The following FAM120B variants were observed in gnomAD, a reference collection of about 807,000 sequenced individuals.
FAM120B encodes constitutive coactivator of peroxisome proliferator-activated receptor gamma.
A neutral mutation model predicts 96.3 loss-of-function variants in FAM120B; 83 were observed. That is an observed-to-expected ratio of 0.86 (90% CI 0.72 to 1.03). FAM120B has a LOEUF of 1.03. FAM120B is among the 50% of genes least tolerant of loss of function. The probability of loss-of-function intolerance (pLI) is 0.00; values close to 1 mark genes in which losing one functional copy is unlikely to be tolerated. For synonymous variants in FAM120B, 407 were observed against 402.7 expected (o/e 1.01, Z -0.13); for missense variants, 1,027 against 1,121.2 (o/e 0.92, Z 1.20).
rs1778799727 is a variant in FAM120B, at chr6:170,406,284, C to T, written c.*1533C>T. On this transcript the variant is annotated 3_prime_UTR_variant, in exon 11 of 11. Coordinates refer to ENST00000476287, the MANE Select transcript of FAM120B (RefSeq NM_032448.3). The stretch of plus-strand genomic sequence containing the variant: ...GACCCCTGCTCCTGCTGGGCCATGC[C>T]ATGGCTCTGAAGATGCCCCGTGTTC... 6.6e-6 allele frequency: 1 copy of T among 152,226 alleles called. No individual in the cohort carries two copies. Among genetic ancestry groups the T allele is most frequent in the African/African-American group, 2.4e-5 (1 of 41,446 alleles). 9.4% of individuals were successfully genotyped at this position (152,226 alleles called of 1,614,324 possible). A position where few individuals can be genotyped will look rare whatever the true frequency, so the allele number is the denominator to read the frequency against.
chr6:170,385,661 C>T (rs1790144303), intron 6 of FAM120B, among the ~76,000 whole-genome samples: 1 of 152,176 alleles, frequency 6.6e-6, no homozygotes, highest in Non-Finnish European at 1.5e-5. Flanking sequence ...TTGCTGCAGC[C>T]ACACCACAAC....
chr6:170,343,228 G>A (rs935916029), intron 4 of FAM120B, among the ~76,000 whole-genome samples: 2 of 152,180 alleles, frequency 1.3e-5, no homozygotes, highest in South Asian at 2.1e-4. Flanking sequence ...GCTAGGAGGA[G>A]CTAACATTTT....
chr6:170,393,491 C>G (rs1326294044), intron 8 of FAM120B, among the ~76,000 whole-genome samples: 3 of 152,206 alleles, frequency 2.0e-5, no homozygotes, highest in African/African-American at 7.2e-5. Context: ...AGTGTCCTGT[C>G]ATATTATTCC....
intron 6 of FAM120B, among the ~76,000 whole-genome samples, chr6:170,376,209 C>A (rs1376769280): frequency 6.6e-6 from 1 of 152,036 alleles, no homozygotes; most frequent in Non-Finnish European, 1.5e-5. Context: ...GGTTAACAGA[C>A]AAGGGGAGGA....
Position 170,406,328 on chromosome 6 carries a change from T to G in FAM120B, c.*1577T>G, listed in dbSNP as rs1479773929. The G allele has an allele frequency of 6.6e-5, 10 of 152,190 alleles. No homozygotes were observed. The highest frequency in any genetic ancestry group is 1.3e-4 in the Non-Finnish European group (9 of 68,042). The allele number at this position is 152,190 out of a possible 1,614,324, so 9.4% of individuals were successfully genotyped here. ...CGTGTTCTTAGGAGGTGCTCACCCC[T>G]GGCACCTAAAGACATTTCCTTCTGG... On this transcript the variant is annotated 3_prime_UTR_variant, in exon 11 of 11. Coordinates refer to ENST00000476287, the MANE Select transcript of FAM120B (RefSeq NM_032448.3).
At chr6:170,364,569 C>T (rs1788657446) in intron 6 of FAM120B, among the ~76,000 whole-genome samples, 1 of 152,230 alleles carries the variant, frequency 6.6e-6, no homozygotes, top group African/African-American at 2.4e-5. Flanking sequence ...TTTGCTGAGA[C>T]AGGCAGAGTC....
At chr6:170,310,300 T>C (rs1784519675) in intron 1 of FAM120B, among the ~76,000 whole-genome samples, 1 of 152,198 alleles carries the variant, frequency 6.6e-6, no homozygotes, top group Admixed American at 6.5e-5. Flanking sequence ...CCAGAGAGTC[T>C]CTTTTATTCC....
intron 6 of FAM120B, among the ~76,000 whole-genome samples, chr6:170,384,718 CTG>C (rs1790097670): frequency 1.3e-5 from 2 of 152,358 alleles, no homozygotes; most frequent in African/African-American, 2.4e-5. Flanking sequence ...GGTCCACAAA[CTG>C]TAGCCAGTAG....
chr6:170,376,984 G>A lies in FAM120B; in HGVS notation c.2284-11303G>A, dbSNP rs551955968. Among the ~76,000 whole-genome samples the A allele has an allele frequency of 1.2e-3, 180 of 147,214 alleles. 2 individuals are homozygous for A. Among genetic ancestry groups the A allele is most frequent in the African/African-American group, 4.1e-3 (163 of 39,614 alleles). ...GGGCTGCTCTGTGCTGTGCACACGCGTCCCTAAACCCAGACGCCTGGGAGA... is the reference window on the plus strand; with the variant it reads ...GGGCTGCTCTGTGCTGTGCACACGCATCCCTAAACCCAGACGCCTGGGAGA... On this transcript the variant is annotated intron_variant, in intron 6 of 10. Transcript: ENST00000476287.
At chr6:170,327,559 AG>A (rs1482066823) in intron 3 of FAM120B, among the ~76,000 whole-genome samples, 7 of 152,064 alleles carry the variant, frequency 4.6e-5, no homozygotes, top group African/African-American at 1.7e-4. Flanking sequence ...TGAGTCCATG[AG>A]TGAGTGGGGA....
chr6:170,300,845 G>A (rs1020166836), intron 1 of FAM120B, among the ~76,000 whole-genome samples: 9 of 152,210 alleles, frequency 5.9e-5, no homozygotes, highest in African/African-American at 9.6e-5. Flanking sequence ...TGCGAGAGGT[G>A]GGCTCCCACA....
At chr6:170,331,398 A>G (rs1786025242) in intron 4 of FAM120B, among the ~76,000 whole-genome samples, 1 of 152,222 alleles carries the variant, frequency 6.6e-6, no homozygotes, top group Non-Finnish European at 1.5e-5. Flanking sequence ...TCTGAGCACT[A>G]TAATTGGTTT....
At chr6:170,393,251 G>A (rs903792407) in intron 8 of FAM120B, among the ~76,000 whole-genome samples, 8 of 152,104 alleles carry the variant, frequency 5.3e-5, no homozygotes, top group African/African-American at 1.9e-4. Context: ...GCGGCTGAGA[G>A]ACCTGCAGAT....
rs925248879 is a variant in FAM120B, at chr6:170,306,799, G to A, written c.-65G>A. 6.5e-6 allele frequency: 1 copy of A among 152,964 alleles called. No homozygotes were observed. The highest frequency in any genetic ancestry group is 1.5e-5 in the Non-Finnish European group (1 of 68,680). The allele number at this position is 152,964 out of a possible 1,614,324, so 9.5% of individuals were successfully genotyped here. A position where few individuals can be genotyped will look rare whatever the true frequency, so the allele number is the denominator to read the frequency against. On this transcript the variant is annotated 5_prime_UTR_variant, in exon 1 of 11. Coordinates refer to ENST00000476287, the MANE Select transcript of FAM120B (RefSeq NM_032448.3). ...GCGGTGGCTGAGGCGGCTGGGCCTA[G>A]GGTGCAGCGGGCGCGTCTGCGGCTG...
rs1382398016 is a variant in FAM120B at position 170,372,327 on chromosome 6, A to T, written c.2283+14009A>T. 2.6e-5 allele frequency among the ~76,000 whole-genome samples: 4 copies of T among 151,144 alleles called. No individual in the cohort carries two copies. In the East Asian group the frequency reaches 7.8e-4, roughly 30 times the overall value. On this transcript the variant is annotated intron_variant, in intron 6 of 10. Coordinates refer to ENST00000476287, the MANE Select transcript of FAM120B (RefSeq NM_032448.3). ...TGTTAAAAGAGTGATTAAATCTATT[A>T]GGAATCACTGAGATTAGTATTTCAG...
intron 6 of FAM120B, among the ~76,000 whole-genome samples, chr6:170,379,172 G>A (rs1184386272): frequency 3.3e-5 from 5 of 152,170 alleles, no homozygotes; most frequent in Non-Finnish European, 7.3e-5. Flanking sequence ...GGGATCTGTG[G>A]TCTGAGACAG....
intron 4 of FAM120B, among the ~76,000 whole-genome samples, chr6:170,333,557 G>A (rs946016370): frequency 5.7e-5 from 8 of 140,196 alleles, no homozygotes; most frequent in Middle Eastern, 3.6e-3. Flanking sequence ...TCACTCTGTC[G>A]CCCAGGCTGG....
At chr6:170,306,193 G>A (rs551315794), upstream of FAM120B, among the ~76,000 whole-genome samples, 22 of 152,338 alleles carry the variant, frequency 1.4e-4, no homozygotes, top group Admixed American at 1.4e-3. Context: ...AGCGCTGACT[G>A]GGGCCGCGCC....
intron 1 of FAM120B, among the ~76,000 whole-genome samples, chr6:170,310,537 C>G (rs771150141): frequency 6.6e-6 from 1 of 152,280 alleles, no homozygotes; most frequent in South Asian, 2.1e-4. Flanking sequence ...AAATCCTGCC[C>G]TCCTTGTTAA....
Sources: allele counts gnomAD v4.1 joint callset (sites outside exome capture counted in the v4.1 genomes callset), GRCh38; gene constraint gnomAD v4.1.1; transcripts MANE v1.5; gene names NCBI Gene and HGNC (gene_info 2026-07-23, HGNC 2026-07-21).